Variants in SUGCT observed in about 807,000 individuals in gnomAD.
The protein encoded by SUGCT is succinyl-CoA:glutarate CoA-transferase.
A neutral mutation model predicts 55.0 loss-of-function variants in SUGCT; 41 were observed. The observed-to-expected ratio is 0.74, with a 90% CI of 0.58 to 0.97. The LOEUF (loss-of-function observed/expected upper bound fraction) is 0.97, where lower values mean the gene tolerates loss of function less well. SUGCT is among the 50% of genes least tolerant of loss of function. SUGCT has a pLI of 0.00. For missense variants in SUGCT, 568 were observed against 547.8 expected, an observed-to-expected ratio of 1.04 and a Z score of -0.37; for synonymous variants, 187 against 200.4, an observed-to-expected ratio of 0.93 and a Z score of 0.56.
At chr7:40,143,012 G>C (rs1233483678) in intron 1 of SUGCT, among the ~76,000 whole-genome samples, 1 of 152,124 alleles carries the variant, frequency 6.6e-6, no homozygotes, top group East Asian at 1.9e-4. Flanking sequence ...AATTGATCTG[G>C]TATTCCCTGT....
chr7:40,701,632 C>G (rs1785175519), intron 12 of SUGCT, among the ~76,000 whole-genome samples: 1 of 152,352 alleles, frequency 6.6e-6, no homozygotes, highest in East Asian at 1.9e-4. Flanking sequence ...CATTCGGGCA[C>G]TGATAGAAGG....
At chr7:40,485,797 C>T (rs1791309262) in intron 11 of SUGCT, among the ~76,000 whole-genome samples, 2 of 152,084 alleles carry the variant, frequency 1.3e-5, no homozygotes, top group South Asian at 2.1e-4. Context: ...GCTTTTTCTG[C>T]ATCAAGTGAA....
chr7:40,163,985 T>A (rs1784302743), intron 1 of SUGCT, among the ~76,000 whole-genome samples: 1 of 151,732 alleles, frequency 6.6e-6, no homozygotes, highest in Non-Finnish European at 1.5e-5. Flanking sequence ...CCACACCCAG[T>A]TAATTTTTGT....
chr7:40,374,630 G>C (rs528170557), intron 9 of SUGCT, among the ~76,000 whole-genome samples: 22 of 152,166 alleles, frequency 1.4e-4, no homozygotes, highest in Non-Finnish European at 2.8e-4. Flanking sequence ...GGTATAACTA[G>C]CTCTGCATTT....
intron 12 of SUGCT, among the ~76,000 whole-genome samples, chr7:40,588,254 T>C (rs1017207303): frequency 1.3e-5 from 2 of 152,088 alleles, no homozygotes; most frequent in East Asian, 1.9e-4. Context: ...ATTATACTTT[T>C]AAGTTTTAGG....
chr7:40,347,725 A>C (rs1797393233), intron 9 of SUGCT, among the ~76,000 whole-genome samples: 1 of 152,188 alleles, frequency 6.6e-6, no homozygotes, highest in African/African-American at 2.4e-5. Context: ...TGTTGATCCC[A>C]CTGTGAATCA....
intron 7 of SUGCT, among the ~76,000 whole-genome samples, chr7:40,238,380 AT>A (rs1261475804): frequency 1.3e-5 from 2 of 152,124 alleles, no homozygotes; most frequent in Non-Finnish European, 2.9e-5. Flanking sequence ...GGTTGGTTAG[AT>A]TAAAAAAAAG....
downstream of SUGCT, among the ~76,000 whole-genome samples, chr7:40,863,084 C>CA (rs1794523624): frequency 1.3e-5 from 2 of 152,046 alleles, no homozygotes; most frequent in Admixed American, 6.6e-5. Flanking sequence ...ACTAAAAATA[C>CA]AAAAATTAGC....
At chr7:40,485,158 A>G (rs1489854264) in intron 11 of SUGCT, among the ~76,000 whole-genome samples, 1 of 151,960 alleles carries the variant, frequency 6.6e-6, no homozygotes, top group Non-Finnish European at 1.5e-5. Context: ...GATTTTTATG[A>G]AGATCCTATT....
intron 11 of SUGCT, among the ~76,000 whole-genome samples, chr7:40,471,069 T>A (rs192710993): frequency 6.6e-6 from 1 of 152,282 alleles, no homozygotes; most frequent in Admixed American, 6.5e-5. Flanking sequence ...TTGGTGGCCA[T>A]TGATAGATAA....
At chr7:40,605,576 G>GCTCTCAC (rs1798487115) in intron 12 of SUGCT, among the ~76,000 whole-genome samples, 1 of 152,132 alleles carries the variant, frequency 6.6e-6, no homozygotes, top group Non-Finnish European at 1.5e-5. Flanking sequence ...CCATTGTGTA[G>GCTCTCAC]GGCTGTAGAG....
intron 9 of SUGCT, among the ~76,000 whole-genome samples, chr7:40,333,037 G>A (rs1796417037): frequency 6.6e-6 from 1 of 152,064 alleles, no homozygotes; most frequent in African/African-American, 2.4e-5. Flanking sequence ...ATACGTAAAT[G>A]CTAAAAGCAT....
intron 7 of SUGCT, among the ~76,000 whole-genome samples, chr7:40,245,423 ATTTTTTT>A (rs1168316176): frequency 3.1e-4 from 17 of 54,512 alleles, no homozygotes; most frequent in South Asian, 5.4e-4. Context: ...ATATATATAT[ATTTTTTT>A]TTTTTTTTTT....
intron 1 of SUGCT, among the ~76,000 whole-genome samples, chr7:40,154,417 G>A (rs1783779674): frequency 6.6e-6 from 1 of 152,168 alleles, no homozygotes; most frequent in Admixed American, 6.6e-5. Flanking sequence ...TGCTTAAAAT[G>A]CTTTTAAAGA....
intron 6 of SUGCT, among the ~76,000 whole-genome samples, chr7:40,218,076 T>C (rs1034976230): frequency 2.0e-5 from 3 of 152,086 alleles, no homozygotes; most frequent in Non-Finnish European, 4.4e-5. Flanking sequence ...TATCTGGGCA[T>C]GGTGGTGTGC....
Position 40,370,595 on chromosome 7 carries a change from GGAGA to G in SUGCT, c.816+53750_816+53753del, listed in dbSNP as rs371045047. Among the ~76,000 whole-genome samples, 332 of 146,136 alleles carry G rather than the reference GGAGA, an allele frequency of 2.3e-3. 5 individuals are homozygous for G. The highest frequency in any genetic ancestry group is 7.9e-3 in the African/African-American group (313 of 39,862). ...GAGAGAGAAGAGAGAGAGAGATGGG[GGAGA>G]GAGAGAGAGGAGAGAGAGAGATGGG... On this transcript the variant is annotated intron_variant, in intron 9 of 13. Transcript: ENST00000335693.
the SUGCT span, among the ~76,000 whole-genome samples, chr7:40,994,460 T>C: frequency 2.9e-4 from 44 of 152,246 alleles, no homozygotes; most frequent in Non-Finnish European, 5.6e-4. Context: ...CTCCTTGACC[T>C]GAATAAAAAA....
At chr7:40,585,233 C>T (rs1797312784) in intron 12 of SUGCT, among the ~76,000 whole-genome samples, 1 of 152,138 alleles carries the variant, frequency 6.6e-6, no homozygotes, top group Non-Finnish European at 1.5e-5. Flanking sequence ...TGGTTTCAGA[C>T]AGTGAGTCAT....
At chr7:40,828,276 G>T (rs1448689828) in intron 13 of SUGCT, among the ~76,000 whole-genome samples, 2 of 152,132 alleles carry the variant, frequency 1.3e-5, no homozygotes, top group African/African-American at 2.4e-5. Context: ...CCATGGGAGG[G>T]CTCCTATCAG....
Sources: allele counts gnomAD v4.1 joint callset (sites outside exome capture counted in the v4.1 genomes callset), GRCh38; gene constraint gnomAD v4.1.1; transcripts MANE v1.5; gene names NCBI Gene and HGNC (gene_info 2026-07-23, HGNC 2026-07-21).